The following CRYBB2 variants were observed in gnomAD, a reference collection of about 807,000 sequenced individuals.
CRYBB2 encodes the protein beta-crystallin B2.
In CRYBB2, 12 loss-of-function variants were observed where a neutral mutation model predicts 24.3. That is an observed-to-expected ratio of 0.49 (90% CI 0.32 to 0.80). The LOEUF (loss-of-function observed/expected upper bound fraction) is 0.80. Ranked by LOEUF, CRYBB2 falls within the 30% of genes least tolerant of loss-of-function variation. CRYBB2 has a pLI of 0.04. For missense variants in CRYBB2, 198 were observed against 268.5 expected (o/e 0.74, Z 1.83); for synonymous variants, 98 against 101.6 (o/e 0.96, Z 0.21).
intron 1 of CRYBB2, among the ~76,000 whole-genome samples, chr22:25,213,131 G>A (rs982194638): frequency 3.3e-4 from 50 of 152,200 alleles, no homozygotes; most frequent in African/African-American, 1.2e-3. Flanking sequence ...CATGCACGTA[G>A]ATGGGTTACA....
chr22:25,227,489 C>T (rs191384581), intron 3 of CRYBB2, among the ~76,000 whole-genome samples: 30 of 151,256 alleles, frequency 2.0e-4, no homozygotes, highest in Admixed American at 1.4e-3. Flanking sequence ...AATTGGCAAA[C>T]GCTACAAATC....
At chr22:25,220,493 C>T (rs113134300) in intron 1 of CRYBB2, among the ~76,000 whole-genome samples, 48 of 152,184 alleles carry the variant, frequency 3.2e-4, no homozygotes, top group Non-Finnish European at 5.9e-4. Context: ...CTCTGACAAG[C>T]CCAGAGGGCT....
chr22:25,228,120 A>G, intron 4 of CRYBB2, 135 bp downstream of exon 4: 1 of 1,358,700 alleles, frequency 7.4e-7, no homozygotes. Context: ...CTGATTGGTG[A>G]GGAACCTCCT....
chr22:25,218,773 GAGAGAGAAGAAAGAAAGAAAGA>G (rs1935248370), upstream of CRYBB2, among the ~76,000 whole-genome samples: 1 of 32,262 alleles, frequency 3.1e-5, no homozygotes, highest in African/African-American at 2.0e-4. Flanking sequence ...GAGAGAGAGA[GAGAGAGAAGAAAGAAAGAAAGA>G]AAGAAAGAAA....
chr22:25,215,740 G>A (rs1935161058), upstream of CRYBB2, among the ~76,000 whole-genome samples: 3 of 152,242 alleles, frequency 2.0e-5, no homozygotes. Flanking sequence ...GTAAGTTCAA[G>A]CACTGGTCCT....
At chr22:25,222,693 T>C (rs1027407870) in intron 2 of CRYBB2, among the ~76,000 whole-genome samples, 7 of 152,238 alleles carry the variant, frequency 4.6e-5, no homozygotes, top group African/African-American at 1.7e-4. Flanking sequence ...CAAGAAGCTC[T>C]GTCCACTAGA....
intron 1 of CRYBB2, chr22:25,212,971 G>A (rs1301446907): frequency 6.6e-6 from 1 of 152,202 alleles, no homozygotes; most frequent in African/African-American, 2.4e-5. Context: ...TGTATGCATT[G>A]TAAATAGGAA....
At chr22:25,229,328 T>C in intron 4 of CRYBB2, 108 bp from the exon 5 acceptor site, 1 of 1,518,168 alleles carries the variant, frequency 6.6e-7, no homozygotes, top group East Asian at 2.4e-5. Flanking sequence ...GGGAAGAGAG[T>C]GATGTGTGGG....
chr22:25,218,788 AAGAAAG>A (rs1935255460), upstream of CRYBB2, among the ~76,000 whole-genome samples: 5 of 93,980 alleles, frequency 5.3e-5, no homozygotes, highest in Non-Finnish European at 8.3e-5. Flanking sequence ...AGAAGAAAGA[AAGAAAG>A]AAAGAAAGAA....
chr22:25,223,765 C>G (rs1935362369), intron 2 of CRYBB2, among the ~76,000 whole-genome samples: 1 of 152,130 alleles, frequency 6.6e-6, no homozygotes, highest in Non-Finnish European at 1.5e-5. Context: ...TGACCTGAGC[C>G]CATCTTTTCA....
chr22:25,229,662 T>G, intron 5 of CRYBB2, 84 bp downstream of exon 5: 1 of 1,577,078 alleles, frequency 6.3e-7, no homozygotes, highest in Non-Finnish European at 8.6e-7. Flanking sequence ...CTGTACACGC[T>G]GGTGATCTTG....
At chr22:25,219,105 C>T (rs117838020), upstream of CRYBB2, among the ~76,000 whole-genome samples, 571 of 152,254 alleles carry the variant, frequency 3.8e-3, 3 homozygotes, top group East Asian at 0.026. Flanking sequence ...TCCTCTTCTC[C>T]ATCCCTGAGG....
chr22:25,218,563 G>T (rs559780579), upstream of CRYBB2, among the ~76,000 whole-genome samples: 106 of 151,148 alleles, frequency 7.0e-4, no homozygotes, highest in African/African-American at 2.5e-3. Context: ...CTACTGGTGA[G>T]GCTGAGGCAG....
upstream of CRYBB2, among the ~76,000 whole-genome samples, chr22:25,218,784 A>AAGAG (rs1935254198): frequency 1.5e-5 from 1 of 68,848 alleles, no homozygotes; most frequent in African/African-American, 6.6e-5. Context: ...AGAGAGAAGA[A>AAGAG]AGAAAGAAAG....
At chr22:25,215,586 A>T (rs949270244), upstream of CRYBB2, among the ~76,000 whole-genome samples, 1 of 152,090 alleles carries the variant, frequency 6.6e-6, no homozygotes, top group Non-Finnish European at 1.5e-5. Context: ...GGTCTCCCTG[A>T]CCGAGCTGGT....
chr22:25,227,952 G>T lies in CRYBB2; in HGVS notation c.273G>T (p.Thr91=), dbSNP rs146090932. 1 of 1,614,116 alleles carries T rather than the reference G, an allele frequency of 6.2e-7. No homozygotes were observed. The highest frequency in any genetic ancestry group is 1.1e-5 in the South Asian group (1 of 91,078). Residue 91 remains threonine, a synonymous_variant, in exon 4 of 6, where the codon ACG becomes ACT. Coordinates refer to ENST00000398215, the MANE Select transcript of CRYBB2 (RefSeq NM_000496.3). ...RWDSWTSSRR[T]DSLSSLRPIK... ...ACTCATGGACCAGCAGCCGAAGGAC[G>T]GACTCCCTCAGCTCCCTGAGGCCCA... is the stretch of plus-strand genomic sequence containing the variant.
intron 1 of CRYBB2, among the ~76,000 whole-genome samples, 151 bp downstream of exon 1, chr22:25,219,817 G>A (rs988204708): frequency 7.2e-5 from 11 of 152,074 alleles, no homozygotes; most frequent in African/African-American, 2.7e-4. Context: ...CTGGGAAGGG[G>A]GTTAAAAAGC....
intron 5 of CRYBB2, among the ~76,000 whole-genome samples, chr22:25,230,975 G>A (rs1443068662): frequency 6.6e-6 from 1 of 152,194 alleles, no homozygotes; most frequent in Non-Finnish European, 1.5e-5. Context: ...TGTGGTGTGT[G>A]TGGGGGAGCC....
intron 1 of CRYBB2, among the ~76,000 whole-genome samples, chr22:25,220,948 C>G (rs1306506432): frequency 2.0e-5 from 3 of 152,174 alleles, no homozygotes; most frequent in African/African-American, 7.2e-5. Flanking sequence ...AGCAGGGGAA[C>G]AGGGAACTTT....
Sources: gnomAD v4.1 joint callset for allele counts (sites outside exome capture counted in the v4.1 genomes callset) on GRCh38, gnomAD v4.1.1 for gene constraint, MANE v1.5 for transcripts, NCBI Gene and HGNC (gene_info 2026-07-23, HGNC 2026-07-21) for gene names.